Variants in ADGRG7 observed in about 807,000 individuals in gnomAD.
ADGRG7 encodes the protein G-protein coupled receptor 128.
ADGRG7 carries 82 observed loss-of-function variants against 88.6 expected under a neutral mutation model. The ratio of observed to expected loss-of-function variants is 0.93; its 90% CI spans 0.77 to 1.11. The LOEUF is 1.11. Ranked by LOEUF, ADGRG7 falls within the 50% of genes most tolerant of loss-of-function variation. ADGRG7 has a pLI of 0.00. For missense variants in ADGRG7, 945 were observed against 953.4 expected (o/e 0.99, Z 0.12); for synonymous variants, 381 against 345.2 (o/e 1.10, Z -1.15).
At chr3:100,653,567 A>G (rs928262589) in intron 11 of ADGRG7, among the ~76,000 whole-genome samples, 1 of 152,192 alleles carries the variant, frequency 6.6e-6, no homozygotes, top group Non-Finnish European at 1.5e-5. Flanking sequence ...TTATTACCTC[A>G]TGTTATATTA....
intron 1 of ADGRG7, among the ~76,000 whole-genome samples, chr3:100,613,937 C>A (rs1707192080): frequency 6.6e-6 from 1 of 152,134 alleles, no homozygotes; most frequent in African/African-American, 2.4e-5. Context: ...TAGCTTTGAG[C>A]AAATTATTAA....
At chr3:100,623,110 C>T (rs1707337309) in intron 1 of ADGRG7, among the ~76,000 whole-genome samples, 1 of 152,040 alleles carries the variant, frequency 6.6e-6, no homozygotes, top group Non-Finnish European at 1.5e-5. Context: ...TTTAATTTGA[C>T]TAAAGCTAAT....
At chr3:100,682,323 G>A (rs1194534517) in intron 15 of ADGRG7, among the ~76,000 whole-genome samples, 1 of 152,212 alleles carries the variant, frequency 6.6e-6, no homozygotes, top group African/African-American at 2.4e-5. Flanking sequence ...CATGGAACGT[G>A]GGAGCCAGGC....
At chr3:100,663,881 G>A (rs2149032780) in intron 14 of ADGRG7, among the ~76,000 whole-genome samples, 1 of 151,994 alleles carries the variant, frequency 6.6e-6, no homozygotes, top group South Asian at 2.1e-4. Context: ...CATCTAACAA[G>A]ACTGGTTTAG....
At position 100,655,075 on chromosome 3, in the gene ADGRG7, A is replaced by G; in HGVS notation, c.1620A>G (p.Thr540=). Reference sequence around the variant, plus strand: ...TACTGCACTATTTTCTGTTAGTGACATTTACCTGGAACGCACTCAGCGCTG... The same window carrying G: ...TACTGCACTATTTTCTGTTAGTGACGTTTACCTGGAACGCACTCAGCGCTG... ...AALLHYFLLV[T]FTWNALSAAQ... Residue 540 remains threonine (T), a synonymous_variant, in exon 12 of 16, where the codon ACA becomes ACG. Coordinates refer to ENST00000273352, the MANE Select transcript of ADGRG7 (RefSeq NM_032787.3). The G allele has an allele frequency of 6.2e-7, 1 of 1,614,150 alleles. No individual in the cohort carries two copies. Among genetic ancestry groups the G allele is most frequent in the Non-Finnish European group, 8.5e-7 (1 of 1,180,016 alleles).
At chr3:100,684,128 A>T (rs1043260139) in intron 15 of ADGRG7, among the ~76,000 whole-genome samples, 6 of 151,984 alleles carry the variant, frequency 3.9e-5, no homozygotes, top group African/African-American at 1.2e-4. Context: ...ATTTGATTTT[A>T]TCTAATTTAT....
chr3:100,638,180 C>T (rs567009108), intron 6 of ADGRG7, among the ~76,000 whole-genome samples: 7 of 152,352 alleles, frequency 4.6e-5, no homozygotes, highest in Non-Finnish European at 7.3e-5. Flanking sequence ...GCATAACAGC[C>T]TTTTTGGGTA....
chr3:100,680,020 A>G (rs970971237), intron 15 of ADGRG7, among the ~76,000 whole-genome samples: 5 of 152,236 alleles, frequency 3.3e-5, no homozygotes, highest in African/African-American at 1.2e-4. Flanking sequence ...TGTTAAAGGT[A>G]CACCTATCCT....
chr3:100,656,247 T>C (rs1043830417), intron 13 of ADGRG7, among the ~76,000 whole-genome samples: 1 of 152,196 alleles, frequency 6.6e-6, no homozygotes, highest in Non-Finnish European at 1.5e-5. Flanking sequence ...GTTAAATTTG[T>C]CTTCTTTCAT....
intron 12 of ADGRG7, 147 bp from the exon 13 acceptor site, chr3:100,655,752 C>G: frequency 1.9e-6 from 1 of 536,276 alleles, no homozygotes; most frequent in Non-Finnish European, 3.4e-6. Flanking sequence ...ACTGTCGACC[C>G]ACATCTGTAG....
At position 100,637,373 on chromosome 3, in the gene ADGRG7, T is replaced by G. The variant is rs1240193775; in HGVS notation, c.669T>G (p.Ala223=). 4 of 1,613,550 alleles carry G rather than the reference T, an allele frequency of 2.5e-6. No individual in the cohort carries two copies. The highest frequency in any genetic ancestry group is 1.7e-5 in the Admixed American group (1 of 59,990). ...GTGAAGATGCTTTTCAAAGAGTTGC[T>G]GCTACTGCTAATGATGATGCCCTTA... ...DASEDAFQRV[A]ATANDDALTT... Residue 223 remains alanine (A), a synonymous_variant, in exon 6 of 16, where the codon GCT becomes GCG. Coordinates refer to ENST00000273352, the MANE Select transcript of ADGRG7 (RefSeq NM_032787.3).
At chr3:100,611,936 T>A (rs4088588) in intron 1 of ADGRG7, among the ~76,000 whole-genome samples, 98,870 of 152,038 alleles carry the variant, frequency 0.65, 33,052 homozygotes, top group East Asian at 0.99. Flanking sequence ...CTTGCTTGGG[T>A]TCCTTTATTC....
rs746806729 is a variant in ADGRG7, at chr3:100,655,157, C to A, written c.1702C>A (p.Leu568Ile). Reference protein sequence around the residue: ...TMKPLPRHFILFISLIGWGVP... With the variant: ...TMKPLPRHFIIFISLIGWGVP... ...GAAGCCTCTTCCTCGGCATTTCATT[C>A]TTTTCATCTCATTAATTGGATGGGG... The change falls in exon 12 of 16, where the codon CTT becomes ATT. Residue 568 changes from leucine to isoleucine, a missense_variant. Leu to Ile is a conservative substitution (Grantham distance 5). Transcript: ENST00000273352. 1 of 1,609,696 alleles carries A rather than the reference C, an allele frequency of 6.2e-7. No individual in the cohort carries two copies. Among genetic ancestry groups the A allele is most frequent in the African/African-American group, 1.3e-5 (1 of 74,946 alleles).
At chr3:100,615,268 T>C (rs1055135343) in intron 1 of ADGRG7, among the ~76,000 whole-genome samples, 8 of 152,222 alleles carry the variant, frequency 5.3e-5, no homozygotes, top group Admixed American at 3.3e-4. Context: ...CTAAAACTGG[T>C]TATATGATAT....
rs375221805 is a variant in ADGRG7, at chr3:100,653,981, T to G, written c.1380-854T>G. Among the ~76,000 whole-genome samples, 8 of 152,042 alleles carry G rather than the reference T, an allele frequency of 5.3e-5. No individual in the cohort carries two copies. In the East Asian group the frequency reaches 1.4e-3, roughly 26 times the overall value. On this transcript the variant is annotated intron_variant, in intron 11 of 15. Coordinates refer to ENST00000273352, the MANE Select transcript of ADGRG7 (RefSeq NM_032787.3). Reference sequence around the variant, plus strand: ...GAAGGGTGAAAAGGACAGGGTTAATTGGGTGTAAAGGAAAAAAAAGGGAAA... The same window carrying G: ...GAAGGGTGAAAAGGACAGGGTTAATGGGGTGTAAAGGAAAAAAAAGGGAAA...
intron 1 of ADGRG7, among the ~76,000 whole-genome samples, chr3:100,628,217 A>C (rs1480774153): frequency 6.6e-6 from 1 of 151,996 alleles, no homozygotes; most frequent in African/African-American, 2.4e-5. Flanking sequence ...AATACCTTTC[A>C]GTTTCTGCCT....
At chr3:100,667,401 C>T (rs753587876) in intron 14 of ADGRG7, among the ~76,000 whole-genome samples, 19 of 152,250 alleles carry the variant, frequency 1.2e-4, no homozygotes, top group Middle Eastern at 3.4e-3. Flanking sequence ...CATTCAACTC[C>T]CACCTGTGAG....
intron 1 of ADGRG7, among the ~76,000 whole-genome samples, chr3:100,615,174 T>C (rs929099786): frequency 6.6e-6 from 1 of 152,204 alleles, no homozygotes; most frequent in African/African-American, 2.4e-5. Flanking sequence ...ATTACTGATC[T>C]GGAACTAATC....
intron 6 of ADGRG7, among the ~76,000 whole-genome samples, chr3:100,639,036 GTGTGTGTGTGTGTGTGTGTGTATGTA>G (rs1169632993): frequency 3.4e-4 from 47 of 139,138 alleles, no homozygotes; most frequent in Middle Eastern, 3.3e-3. Context: ...GTGTGTGTGT[GTGTGTGTGTGTGTGTGTGTGTATGTA>G]TATGTATATT....
Sources: allele counts gnomAD v4.1 joint callset (sites outside exome capture counted in the v4.1 genomes callset), GRCh38; gene constraint gnomAD v4.1.1; transcripts MANE v1.5; gene names NCBI Gene and HGNC (gene_info 2026-07-23, HGNC 2026-07-21).